NEGR1: variants seen among roughly 807,000 people sequenced by gnomAD.
NEGR1 encodes neuronal growth regulator 1.
In NEGR1, 10 loss-of-function variants were observed where a neutral mutation model predicts 40.9. The observed-to-expected ratio is 0.24, with a 90% CI of 0.15 to 0.42. NEGR1 has a LOEUF of 0.42. NEGR1 is among the 10% of genes least tolerant of loss of function. The probability of loss-of-function intolerance (pLI) is 1.00; values close to 1 mark genes in which losing one functional copy is unlikely to be tolerated. For synonymous variants in NEGR1, 185 were observed against 166.8 expected, an observed-to-expected ratio of 1.11 and a Z score of -0.84; for missense variants, 352 against 438.9, an observed-to-expected ratio of 0.80 and a Z score of 1.77.
At chr1:71,602,453 G>A (rs900217458) in intron 5 of NEGR1, among the ~76,000 whole-genome samples, 6 of 148,616 alleles carry the variant, frequency 4.0e-5, no homozygotes, top group African/African-American at 1.0e-4. Flanking sequence ...GGGTTTCACC[G>A]TTTTAGCCGG....
chr1:71,745,914 T>C (rs1295948338), intron 3 of NEGR1, among the ~76,000 whole-genome samples: 2 of 152,192 alleles, frequency 1.3e-5, no homozygotes, highest in Admixed American at 6.5e-5. Flanking sequence ...ATTAAGATGT[T>C]CATTCCAAAG....
At chr1:71,753,672 T>C (rs1365891549) in intron 3 of NEGR1, among the ~76,000 whole-genome samples, 3 of 152,192 alleles carry the variant, frequency 2.0e-5, no homozygotes, top group Non-Finnish European at 4.4e-5. Flanking sequence ...CCCTTCTTTA[T>C]ATTCGGAGAA....
At chr1:71,822,229 G>T (rs146817829) in intron 2 of NEGR1, among the ~76,000 whole-genome samples, 5 of 152,014 alleles carry the variant, frequency 3.3e-5, no homozygotes, top group Non-Finnish European at 5.9e-5. Flanking sequence ...GAAGCAAAAG[G>T]CTAGACTGTC....
chr1:71,702,930 C>T (rs927920080), intron 3 of NEGR1, among the ~76,000 whole-genome samples: 23 of 152,122 alleles, frequency 1.5e-4, no homozygotes, highest in Admixed American at 1.0e-3. Context: ...GATTGGAATT[C>T]AGGTAGACCA....
intron 4 of NEGR1, among the ~76,000 whole-genome samples, chr1:71,645,842 T>A (rs915800534): frequency 6.6e-6 from 1 of 151,756 alleles, no homozygotes; most frequent in South Asian, 2.1e-4. Flanking sequence ...TGTAGAGAAG[T>A]TGAGTAATGA....
chr1:71,757,288 T>G (rs1031126375), intron 3 of NEGR1, among the ~76,000 whole-genome samples: 2 of 152,140 alleles, frequency 1.3e-5, no homozygotes, highest in South Asian at 4.1e-4. Context: ...TAGAGAATGC[T>G]CTCCATAAAA....
At chr1:71,652,496 T>C (rs1651749966) in intron 4 of NEGR1, among the ~76,000 whole-genome samples, 1 of 152,178 alleles carries the variant, frequency 6.6e-6, no homozygotes, top group Non-Finnish European at 1.5e-5. Context: ...TGGCTACTTA[T>C]ATACTACAAT....
intron 4 of NEGR1, among the ~76,000 whole-genome samples, chr1:71,678,044 T>G (rs1398669717): frequency 8.5e-6 from 1 of 117,042 alleles, no homozygotes; most frequent in East Asian, 2.5e-4. Context: ...TTTTTATTTT[T>G]ACAGAGCACA....
chr1:71,886,822 A>G (rs1167763308), intron 2 of NEGR1, among the ~76,000 whole-genome samples: 1 of 152,224 alleles, frequency 6.6e-6, no homozygotes, highest in Non-Finnish European at 1.5e-5. Context: ...GGAGAAGAGC[A>G]CAGGAAAGGA....
intron 6 of NEGR1, among the ~76,000 whole-genome samples, chr1:71,418,384 G>C (rs1646371072): frequency 6.6e-6 from 1 of 151,604 alleles, no homozygotes; most frequent in Non-Finnish European, 1.5e-5. Flanking sequence ...GGCAATCTCG[G>C]CTCACTGCAT....
intron 1 of NEGR1, among the ~76,000 whole-genome samples, chr1:72,259,390 C>T (rs1456529626): frequency 6.6e-6 from 1 of 151,852 alleles, no homozygotes; most frequent in Non-Finnish European, 1.5e-5. Context: ...CTGTTTTACT[C>T]CTCTTCTCCT....
intron 1 of NEGR1, among the ~76,000 whole-genome samples, chr1:72,087,611 T>G (rs1048837748): frequency 6.6e-6 from 1 of 151,732 alleles, no homozygotes; most frequent in Non-Finnish European, 1.5e-5. Flanking sequence ...TATATTTTAT[T>G]TATGTATTTT....
chr1:71,658,020 A>G (rs1651932504), intron 4 of NEGR1, among the ~76,000 whole-genome samples: 1 of 152,226 alleles, frequency 6.6e-6, no homozygotes, highest in Non-Finnish European at 1.5e-5. Context: ...CTTTTTAATA[A>G]CAATTCAAAT....
At chr1:72,137,098 A>G (rs1316229302) in intron 1 of NEGR1, among the ~76,000 whole-genome samples, 1 of 152,184 alleles carries the variant, frequency 6.6e-6, no homozygotes, top group Non-Finnish European at 1.5e-5. Flanking sequence ...AGGAAACAAC[A>G]GATGCTGGAG....
intron 4 of NEGR1, among the ~76,000 whole-genome samples, chr1:71,664,538 C>T (rs1017670598): frequency 1.3e-5 from 2 of 151,860 alleles, no homozygotes; most frequent in African/African-American, 4.8e-5. Flanking sequence ...TGTGTGATTT[C>T]CATGGGAATT....
intron 4 of NEGR1, among the ~76,000 whole-genome samples, chr1:71,672,860 T>G (rs1384578266): frequency 2.6e-5 from 4 of 152,170 alleles, no homozygotes; most frequent in Admixed American, 2.6e-4. Flanking sequence ...TGGGAATTAA[T>G]GGAATCCAGC....
At chr1:71,677,007 AC>A (rs1652664381) in intron 4 of NEGR1, among the ~76,000 whole-genome samples, 1 of 152,206 alleles carries the variant, frequency 6.6e-6, no homozygotes, top group Admixed American at 6.5e-5. Flanking sequence ...GAAGTGTATG[AC>A]CAACTATGTG....
At chr1:71,539,866 C>A (rs1023922771) in intron 6 of NEGR1, among the ~76,000 whole-genome samples, 3 of 151,682 alleles carry the variant, frequency 2.0e-5, no homozygotes, top group African/African-American at 7.2e-5. Context: ...CATTTCTATG[C>A]TTAATAAAAT....
chr1:71,733,888 C>T (rs796625488), intron 3 of NEGR1, among the ~76,000 whole-genome samples: 13 of 152,288 alleles, frequency 8.5e-5, no homozygotes, highest in African/African-American at 2.6e-4. Context: ...AAATGGATAA[C>T]TTGTTCATTG....
Sources: allele counts gnomAD v4.1 joint callset (sites outside exome capture counted in the v4.1 genomes callset), GRCh38; gene constraint gnomAD v4.1.1; transcripts MANE v1.5; gene names NCBI Gene and HGNC (gene_info 2026-07-23, HGNC 2026-07-21).